FAT3: variants seen among roughly 807,000 people sequenced by gnomAD.
The protein encoded by FAT3 is FAT atypical cadherin 3, also known as protocadherin Fat 3.
FAT3 carries 95 observed loss-of-function variants against 310.2 expected under a neutral mutation model. The observed-to-expected ratio is 0.31, with a 90% CI of 0.26 to 0.36. FAT3 has a LOEUF of 0.36. Ranked by LOEUF, FAT3 falls within the 10% of genes least tolerant of loss-of-function variation. The pLI is 1.00. For missense variants in FAT3, 5,408 were observed against 5,715.6 expected (o/e 0.95, Z 1.74); for synonymous variants, 2,314 against 2,192.9 (o/e 1.06, Z -1.54).
At chr11:92,608,545 T>C (rs527370266) in intron 3 of FAT3, among the ~76,000 whole-genome samples, 10 of 152,080 alleles carry the variant, frequency 6.6e-5, no homozygotes, top group Non-Finnish European at 1.3e-4. Context: ...GCTCCAGAAT[T>C]TCTTCAGGCA....
At chr11:92,295,812 T>C (rs902772753) in intron 1 of FAT3, among the ~76,000 whole-genome samples, 1 of 152,108 alleles carries the variant, frequency 6.6e-6, no homozygotes, top group African/African-American at 2.4e-5. Flanking sequence ...TGTTCATTCT[T>C]GGATGCACAA....
intron 3 of FAT3, among the ~76,000 whole-genome samples, chr11:92,560,535 G>C (rs575165069): frequency 5.5e-4 from 83 of 151,906 alleles, no homozygotes; most frequent in African/African-American, 2.0e-3. Context: ...ATTTACCCCT[G>C]TGTTTTCCTT....
chr11:92,607,797 C>T (rs538547), intron 3 of FAT3, among the ~76,000 whole-genome samples: 85,351 of 151,980 alleles, frequency 0.56, 25,385 homozygotes, highest in African/African-American at 0.76. Flanking sequence ...ACCTTTAAAA[C>T]GGAAAAGGCA....
chr11:92,794,777 T>A (rs765492805), intron 9 of FAT3, among the ~76,000 whole-genome samples: 5 of 152,190 alleles, frequency 3.3e-5, no homozygotes, highest in Non-Finnish European at 7.3e-5. Flanking sequence ...TAAGAAACTA[T>A]TGAGGATTAC....
At chr11:92,327,984 C>A (rs1947810669) in intron 1 of FAT3, among the ~76,000 whole-genome samples, 1 of 152,144 alleles carries the variant, frequency 6.6e-6, no homozygotes, top group Non-Finnish European at 1.5e-5. Context: ...CTCTTTCCAA[C>A]AAGAGGATAG....
Position 92,524,664 on chromosome 11 carries a change from G to A in FAT3, c.3323G>A (p.Arg1108Gln), listed in dbSNP as rs143194286. The change falls in exon 3 of 28, where the codon CGG (arginine) becomes CAG (glutamine). Residue 1108 changes from arginine to glutamine, a missense_variant. By Grantham distance (43) the Arg-to-Gln change is conservative. Coordinates refer to ENST00000525166, the MANE Select transcript of FAT3 (RefSeq NM_001367949.2). ...GVITAADILD[R>Q]ETMGSYWLTV... ...ATCACTGCCGCAGACATTCTTGATC[G>A]GGAGACAATGGGGTCATACTGGCTA... 165 of 1,613,288 alleles carry A rather than the reference G, an allele frequency of 1.0e-4. No individual in the cohort carries two copies. In the Admixed American group the frequency reaches 1.1e-3, roughly 10 times the overall value.
intron 2 of FAT3, among the ~76,000 whole-genome samples, chr11:92,438,916 G>A (rs910158821): frequency 1.3e-5 from 2 of 152,112 alleles, no homozygotes; most frequent in African/African-American, 4.8e-5. Context: ...ACCATGAAAG[G>A]TTTGGCTACA....
At chr11:92,806,286 T>A in intron 11 of FAT3, 76 bp from the exon 12 acceptor site, 1 of 1,274,078 alleles carries the variant, frequency 7.8e-7, no homozygotes, top group Non-Finnish European at 1.1e-6. Context: ...TTTAAAGAAA[T>A]CCTATATAAT....
intron 3 of FAT3, among the ~76,000 whole-genome samples, chr11:92,642,240 C>T (rs541201955): frequency 1.3e-5 from 2 of 152,344 alleles, no homozygotes; most frequent in Non-Finnish European, 2.9e-5. Flanking sequence ...CCCATCTTCA[C>T]CCTGTGCTGT....
intron 3 of FAT3, among the ~76,000 whole-genome samples, chr11:92,547,031 T>TA (rs1277583836): frequency 3.5e-4 from 54 of 152,208 alleles, no homozygotes; most frequent in Admixed American, 3.9e-4. Flanking sequence ...TCAAGGGTCT[T>TA]ATGCTCAGAC....
At chr11:92,710,403 GC>G (rs1944485067) in intron 4 of FAT3, among the ~76,000 whole-genome samples, 1 of 152,136 alleles carries the variant, frequency 6.6e-6, no homozygotes, top group Non-Finnish European at 1.5e-5. Context: ...TCTCAACTTT[GC>G]ATGTCCCATC....
chr11:92,671,021 C>G (rs780428294), intron 3 of FAT3, among the ~76,000 whole-genome samples: 1 of 152,028 alleles, frequency 6.6e-6, no homozygotes, highest in Non-Finnish European at 1.5e-5. Context: ...ACCATCACTC[C>G]TTGGCTCACG....
At chr11:92,326,142 C>G (rs1370563024) in intron 1 of FAT3, among the ~76,000 whole-genome samples, 1 of 152,168 alleles carries the variant, frequency 6.6e-6, no homozygotes, top group Non-Finnish European at 1.5e-5. Context: ...TGATTCTGAG[C>G]AAGTAGTTTT....
chr11:92,579,406 G>T (rs1433508156), intron 3 of FAT3, among the ~76,000 whole-genome samples: 5 of 152,076 alleles, frequency 3.3e-5, no homozygotes, highest in African/African-American at 1.2e-4. Context: ...TCTGAGAGTT[G>T]TAAGCTACTG....
chr11:92,824,089 G>T (rs931953849), intron 13 of FAT3, among the ~76,000 whole-genome samples: 4 of 152,100 alleles, frequency 2.6e-5, no homozygotes, highest in African/African-American at 9.7e-5. Flanking sequence ...GGGTGTGGTG[G>T]CTCACCCCTG....
chr11:92,350,864 A>G (rs1217364726), intron 1 of FAT3, among the ~76,000 whole-genome samples: 2 of 152,320 alleles, frequency 1.3e-5, no homozygotes, highest in South Asian at 2.1e-4. Context: ...GTAAAGGAAG[A>G]AAAGGAGAAT....
At chr11:92,268,060 A>G (rs1031141467) in intron 1 of FAT3, among the ~76,000 whole-genome samples, 14 of 152,186 alleles carry the variant, frequency 9.2e-5, no homozygotes, top group Admixed American at 7.9e-4. Flanking sequence ...TTCAAAAAAA[A>G]AAAAAAAACC....
rs11019899 is a variant in FAT3 at position 92,303,790 on chromosome 11, C to T, written c.-17-48306C>T. Among the ~76,000 whole-genome samples the T allele has an allele frequency of 1.9e-4, 29 of 152,204 alleles. No individual in the cohort carries two copies. In the East Asian group the frequency reaches 4.3e-3, roughly 22 times the overall value. On this transcript the variant is annotated intron_variant, in intron 1 of 27. Transcript: ENST00000525166. ...TGTTATAAAAGAGGTGGGTTAGATT[C>T]GCCTCACCACCTGATCATTTCATTT...
intron 21 of FAT3, among the ~76,000 whole-genome samples, chr11:92,864,664 A>G (rs978479207): frequency 6.6e-6 from 1 of 152,130 alleles, no homozygotes; most frequent in African/African-American, 2.4e-5. Context: ...GAAAATAGAA[A>G]AAATTAGCTG....
Sources: allele counts gnomAD v4.1 joint callset (sites outside exome capture counted in the v4.1 genomes callset), GRCh38; gene constraint gnomAD v4.1.1; transcripts MANE v1.5; gene names NCBI Gene and HGNC (gene_info 2026-07-23, HGNC 2026-07-21).